The following LGALS4 variants were observed in gnomAD, a reference collection of about 807,000 sequenced individuals.
LGALS4 encodes the protein galectin 4, also known as galectin-4.
Under a neutral mutation model 39.6 loss-of-function variants are expected in LGALS4, and 37 were observed. That is an observed-to-expected ratio of 0.93 (90% CI 0.72 to 1.23). The LOEUF (loss-of-function observed/expected upper bound fraction) is 1.23, where lower values mean the gene tolerates loss of function less well. Ranked by LOEUF, LGALS4 falls within the 50% of genes most tolerant of loss-of-function variation. LGALS4 has a pLI of 0.00. For synonymous variants in LGALS4, 160 were observed against 165.5 expected, an observed-to-expected ratio of 0.97 and a Z score of 0.25; for missense variants, 397 against 433.2, an observed-to-expected ratio of 0.92 and a Z score of 0.74.
intron 2 of LGALS4, 22 bp from the exon 3 acceptor site, chr19:38,808,970 A>C: frequency 1.3e-6 from 2 of 1,577,216 alleles, no homozygotes; most frequent in Non-Finnish European, 1.7e-6. Flanking sequence ...CAAAGGGCTC[A>C]TTCCCCTGGT....
rs577868923 is a variant in LGALS4 at position 38,802,328 on chromosome 19, G to A, written c.647C>T (p.Pro216Leu). Residue 216 changes from proline (P) to leucine (L), a missense_variant, in exon 8 of 10, where the codon CCC becomes CTC. Pro to Leu is a moderately conservative substitution (Grantham distance 98). Coordinates refer to ENST00000307751, the MANE Select transcript of LGALS4 (RefSeq NM_006149.4). ...RTIIIKGYVP[P>L]TGKSFAINFK... ...GTTTACGTTATACCTCTTGCCTGTG[G>A]GAGGCACATAGCCCTTGATGATGAT... 6.2e-7 allele frequency: 1 copy of A among 1,614,084 alleles called. No individual in the cohort carries two copies. Among genetic ancestry groups the A allele is most frequent in the African/African-American group, 1.3e-5 (1 of 75,044 alleles).
chr19:38,811,702 G>A (rs1971495695), intron 2 of LGALS4, among the ~76,000 whole-genome samples: 1 of 151,374 alleles, frequency 6.6e-6, no homozygotes, highest in Admixed American at 6.6e-5. Context: ...TTATCAACGT[G>A]TTAAGGCCCT....
chr19:38,802,250 G>A (rs2145351265), intron 8 of LGALS4, 66 bp downstream of exon 8: 1 of 1,595,196 alleles, frequency 6.3e-7, no homozygotes, highest in Non-Finnish European at 8.6e-7. Context: ...GGAGGGGACA[G>A]AGGGTCTAGA....
At chr19:38,812,018 CAA>C (rs57756863) in intron 2 of LGALS4, among the ~76,000 whole-genome samples, 5,376 of 139,800 alleles carry the variant, frequency 0.038, 299 homozygotes, top group African/African-American at 0.13. Flanking sequence ...CATCTCAAAA[CAA>C]AAAAAAAAAC....
chr19:38,802,433 C>G (rs1568349419), intron 7 of LGALS4, 29 bp from the exon 8 acceptor site: 2 of 1,556,784 alleles, frequency 1.3e-6, no homozygotes, highest in East Asian at 2.2e-5. Flanking sequence ...GGGTCCCATT[C>G]TCTCTCAGCT....
At position 38,808,774 on chromosome 19, in the gene LGALS4, C is replaced by G; in HGVS notation, c.309G>C (p.Leu103=). Residue 103 remains leucine, a synonymous_variant, in exon 3 of 10, where the codon CTG becomes CTC. Coordinates refer to ENST00000307751, the MANE Select transcript of LGALS4 (RefSeq NM_006149.4). ...MPFKKGAAFE[L]VFIVLAEHYK... ...AGTGCTCAGCCAGGACTATGAAGAC[C>G]AGCTCAAAGGCGGCACCCTTTTTGA... The G allele has an allele frequency of 6.2e-7, 1 of 1,614,144 alleles. No individual in the cohort carries two copies. The highest frequency in any genetic ancestry group is 8.5e-7 in the Non-Finnish European group (1 of 1,180,024).
chr19:38,802,024 G>A lies in LGALS4; in HGVS notation c.793C>T (p.His265Tyr). 6.2e-7 allele frequency: 1 copy of A among 1,614,232 alleles called. No homozygotes were observed. Residue 265 changes from histidine to tyrosine, a missense_variant, in exon 9 of 10, where the codon CAC (histidine) becomes TAC (tyrosine). By Grantham distance (83) the His-to-Tyr change is moderately conservative. Transcript: ENST00000307751. ...SWGSEEKKIT[H>Y]NPFGPGQFFD... Reference sequence around the variant, plus strand: ...AACTGTCCGGGACCAAATGGGTTGTGGGTGATCTTCTTCTCCTCGGATCCC... The same window carrying A: ...AACTGTCCGGGACCAAATGGGTTGTAGGTGATCTTCTTCTCCTCGGATCCC...
At chr19:38,806,367 C>CAA (rs74176466) in intron 4 of LGALS4, 94 bp downstream of exon 4, 9,655 of 1,231,874 alleles carry the variant, frequency 7.8e-3, no homozygotes, top group South Asian at 0.012. Flanking sequence ...GACTCCGTCT[C>CAA]AAAAAAAAAA....
rs140940108 is a variant in LGALS4 at position 38,801,885 on chromosome 19, C to T, written c.851G>A (p.Arg284His). 98 of 1,614,000 alleles carry T rather than the reference C, an allele frequency of 6.1e-5. No homozygotes were observed. The highest frequency in any genetic ancestry group is 8.0e-5 in the African/African-American group (6 of 74,894). Reference protein sequence around the residue: ...FDLSIRCGLDRFKVYANGQHL... With the variant: ...FDLSIRCGLDHFKVYANGQHL... ...CTGGCCATTGGCGTAAACCTTGAAGCGATCCAAGCCACAGCGAATGGACAG... is the reference window on the plus strand; with the variant it reads ...CTGGCCATTGGCGTAAACCTTGAAGTGATCCAAGCCACAGCGAATGGACAG... Residue 284 changes from arginine to histidine, a missense_variant, in exon 10 of 10, where the codon CGC becomes CAC. Arg to His is a conservative substitution (Grantham distance 29, BLOSUM62 0). Coordinates refer to ENST00000307751, the MANE Select transcript of LGALS4 (RefSeq NM_006149.4).
Position 38,802,405 on chromosome 19 carries a change from C to G in LGALS4, c.571-1G>C. 6.2e-7 allele frequency: 1 copy of G among 1,613,750 alleles called. No homozygotes were observed. Among genetic ancestry groups the G allele is most frequent in the African/African-American group, 1.3e-5 (1 of 75,060 alleles). On this transcript the variant is annotated splice_acceptor_variant, in intron 7 of 9. Coordinates refer to ENST00000307751, the MANE Select transcript of LGALS4 (RefSeq NM_006149.4). LOFTEE classifies it high-confidence loss of function. ...GCAGCCTCCCGAAATATGGCACAGG[C>G]TGTGGGAAGAGAACGGGGGGTCCCA...
At chr19:38,810,758 T>G (rs1971483947) in intron 2 of LGALS4, among the ~76,000 whole-genome samples, 1 of 151,940 alleles carries the variant, frequency 6.6e-6, no homozygotes, top group Admixed American at 6.6e-5. Context: ...ATTACAGGCG[T>G]AAGCCACCAT....
intron 2 of LGALS4, among the ~76,000 whole-genome samples, chr19:38,811,251 A>G (rs1461039452): frequency 6.6e-6 from 1 of 152,044 alleles, no homozygotes; most frequent in Non-Finnish European, 1.5e-5. Context: ...CCACGAGGGC[A>G]GGGGTCTCTG....
rs1167139138 is a variant in LGALS4, at chr19:38,806,747, G to C, written c.340-152C>G. Reference sequence around the variant, plus strand: ...GGATCATTTGAGATCAGGAGTGTGAGACCAGTCTGGCCAACATAGTGAAAC... The same window carrying C: ...GGATCATTTGAGATCAGGAGTGTGACACCAGTCTGGCCAACATAGTGAAAC... On this transcript the variant is annotated intron_variant, in intron 3 of 9. Transcript: ENST00000307751. The C allele has an allele frequency of 7.0e-6, 5 of 714,152 alleles. No homozygotes were observed. In the East Asian group the frequency reaches 1.3e-4, roughly 19 times the overall value. The allele number at this position is 714,152 out of a possible 1,614,324, so 44.2% of individuals were successfully genotyped here. A position where few individuals can be genotyped will look rare whatever the true frequency, so the allele number is the denominator to read the frequency against.
chr19:38,805,027 G>T (rs1041964044), intron 4 of LGALS4, among the ~76,000 whole-genome samples: 2 of 151,368 alleles, frequency 1.3e-5, no homozygotes, highest in African/African-American at 4.9e-5. Context: ...AGCTGGGGCT[G>T]GTGGTGCGTG....
chr19:38,802,157 G>A lies in LGALS4; in HGVS notation c.660C>T (p.Ser220=), dbSNP rs1971364713. Residue 220 remains serine, a splice_region_variant and synonymous_variant, in exon 9 of 10, where the codon AGC becomes AGT. Coordinates refer to ENST00000307751, the MANE Select transcript of LGALS4 (RefSeq NM_006149.4). The part of the protein sequence containing the change: ...IKGYVPPTGK[S]FAINFKVGSS... ...AGCCCACCTTGAAGTTGATAGCAAA[G>A]CTGGGGACAGAGAGGGATGGGGGAG... The A allele has an allele frequency of 6.2e-7, 1 of 1,613,364 alleles. No homozygotes were observed.
Position 38,812,530 on chromosome 19 carries a change from G to T in LGALS4, c.46-11C>A. The T allele has an allele frequency of 6.2e-7, 1 of 1,612,942 alleles. No homozygotes were observed. Among genetic ancestry groups the T allele is most frequent in the Non-Finnish European group, 8.5e-7 (1 of 1,178,954 alleles). On this transcript the variant is annotated splice_polypyrimidine_tract_variant and intron_variant, in intron 1 of 9. Coordinates refer to ENST00000307751, the MANE Select transcript of LGALS4 (RefSeq NM_006149.4). ...GTAGTAAGGCAGCGTCTGGAGAAGA[G>T]GCCTGGTGAGGGGACTCACAAGCCA...
At chr19:38,805,590 C>T (rs2145355371) in intron 4 of LGALS4, among the ~76,000 whole-genome samples, 1 of 152,274 alleles carries the variant, frequency 6.6e-6, no homozygotes, top group East Asian at 1.9e-4. Context: ...TGCCTGCCTC[C>T]ACCCACCCTC....
chr19:38,812,401 C>T (rs1403903706), intron 2 of LGALS4, 30 bp downstream of exon 2: 1 of 1,603,790 alleles, frequency 6.2e-7, no homozygotes, highest in Non-Finnish European at 8.5e-7. Flanking sequence ...AGTCCCCTGC[C>T]AGCCCGGCCT....
chr19:38,808,685 G>T (rs1241399094), intron 3 of LGALS4, 59 bp downstream of exon 3: 1 of 1,273,820 alleles, frequency 7.9e-7, no homozygotes, highest in East Asian at 2.4e-5. Context: ...AAGGAAGGAA[G>T]CAGCCAAGAT....
Sources: allele counts gnomAD v4.1 joint callset (sites outside exome capture counted in the v4.1 genomes callset), GRCh38; gene constraint gnomAD v4.1.1; transcripts MANE v1.5; gene names NCBI Gene and HGNC (gene_info 2026-07-23, HGNC 2026-07-21).